EIF3H: variants seen among roughly 807,000 people sequenced by gnomAD.
EIF3H encodes the protein eukaryotic translation initiation factor 3 subunit H, also known as eIF-3-gamma.
In EIF3H, 26 loss-of-function variants were observed where a neutral mutation model predicts 44.2. The observed-to-expected ratio is 0.59, with a 90% CI of 0.43 to 0.82. The LOEUF is 0.82. Among genes scored for constraint, EIF3H ranks in the 40% least tolerant of loss-of-function variants. The pLI, the probability that EIF3H is intolerant of heterozygous loss-of-function variation, is 0.00. For missense variants in EIF3H, 359 were observed against 432.8 expected, an observed-to-expected ratio of 0.83 and a Z score of 1.51; for synonymous variants, 166 against 151.9, an observed-to-expected ratio of 1.09 and a Z score of -0.68.
At chr8:116,701,655 C>A (rs1007108036) in intron 2 of EIF3H, among the ~76,000 whole-genome samples, 1 of 152,120 alleles carries the variant, frequency 6.6e-6, no homozygotes, top group African/African-American at 2.4e-5. Flanking sequence ...TTCCCCAAAT[C>A]ATGGGGATTA....
At chr8:116,669,498 C>CT (rs1404954363) in intron 2 of EIF3H, among the ~76,000 whole-genome samples, 1 of 152,064 alleles carries the variant, frequency 6.6e-6, no homozygotes. Flanking sequence ...TGGGACAAGG[C>CT]TATCTGAAAA....
intron 1 of EIF3H, among the ~76,000 whole-genome samples, chr8:116,736,325 C>T (rs1482799046): frequency 6.6e-6 from 1 of 152,118 alleles, no homozygotes; most frequent in African/African-American, 2.4e-5. Context: ...AGCAGTTAAA[C>T]AATTGTTTAT....
At chr8:116,650,065 C>T (rs952447131) in intron 5 of EIF3H, among the ~76,000 whole-genome samples, 1 of 152,160 alleles carries the variant, frequency 6.6e-6, no homozygotes, top group African/African-American at 2.4e-5. Context: ...TACAACTCCC[C>T]AGCAATGTAG....
intron 5 of EIF3H, among the ~76,000 whole-genome samples, chr8:116,654,246 C>A (rs1429053334): frequency 6.6e-6 from 1 of 152,042 alleles, no homozygotes; most frequent in Non-Finnish European, 1.5e-5. Context: ...ATACAGAAGA[C>A]AAAAACTATA....
chr8:116,762,756 A>G (rs1445167004), intron 1 of EIF3H, among the ~76,000 whole-genome samples: 1 of 152,188 alleles, frequency 6.6e-6, no homozygotes, highest in Non-Finnish European at 1.5e-5. Flanking sequence ...CAGCCTGGCC[A>G]GCATAGTGAA....
intron 2 of EIF3H, among the ~76,000 whole-genome samples, chr8:116,714,927 A>T (rs1814637656): frequency 6.6e-6 from 1 of 152,104 alleles, no homozygotes; most frequent in Admixed American, 6.5e-5. Context: ...GTAACCACAG[A>T]CTAGGTTTCC....
chr8:116,647,597 C>T (rs1813325807), intron 6 of EIF3H, among the ~76,000 whole-genome samples: 1 of 152,208 alleles, frequency 6.6e-6, no homozygotes, highest in East Asian at 1.9e-4. Context: ...ACAGCTATGA[C>T]TGCTCCCAAC....
intron 2 of EIF3H, 59 bp from the exon 3 acceptor site, chr8:116,659,039 C>G: frequency 7.0e-7 from 1 of 1,436,560 alleles, no homozygotes; most frequent in Non-Finnish European, 9.3e-7. Flanking sequence ...TTACCAACAT[C>G]AAAAACAAGC....
intron 2 of EIF3H, among the ~76,000 whole-genome samples, chr8:116,723,774 A>T (rs1814791157): frequency 6.6e-6 from 1 of 152,216 alleles, no homozygotes; most frequent in Non-Finnish European, 1.5e-5. Flanking sequence ...AATACACTTA[A>T]CCAAAGAGGC....
chr8:116,747,614 A>C (rs1815259970), intron 1 of EIF3H, among the ~76,000 whole-genome samples: 1 of 151,948 alleles, frequency 6.6e-6, no homozygotes, highest in African/African-American at 2.4e-5. Flanking sequence ...GGGTCATATA[A>C]TTTTTTTTGT....
chr8:116,683,326 C>CA (rs1814021927), intron 2 of EIF3H, among the ~76,000 whole-genome samples: 1 of 152,176 alleles, frequency 6.6e-6, no homozygotes, highest in South Asian at 2.1e-4. Context: ...TCAAAGCTGC[C>CA]AGCCAATTAT....
intron 1 of EIF3H, among the ~76,000 whole-genome samples, chr8:116,752,673 AAAGAAAGAAAGAAAGAAAG>A (rs1815362102): frequency 2.5e-5 from 1 of 39,324 alleles, no homozygotes. Context: ...ATGAAGAAAG[AAAGAAAGAAAGAAAGAAAG>A]AAAGAAAGAA....
intron 1 of EIF3H, among the ~76,000 whole-genome samples, chr8:116,739,486 T>C (rs1030523930): frequency 3.3e-5 from 5 of 152,186 alleles, no homozygotes; most frequent in African/African-American, 2.4e-5. Context: ...CCATCTCTAC[T>C]AAACATACAA....
At chr8:116,751,402 T>C (rs1378678773) in intron 1 of EIF3H, among the ~76,000 whole-genome samples, 2 of 152,246 alleles carry the variant, frequency 1.3e-5, no homozygotes, top group Admixed American at 1.3e-4. Flanking sequence ...GCACTGGAGA[T>C]AAAACAGGTG....
chr8:116,707,201 C>T (rs1814486224), intron 2 of EIF3H, among the ~76,000 whole-genome samples: 1 of 152,086 alleles, frequency 6.6e-6, no homozygotes, highest in Admixed American at 6.6e-5. Context: ...AAGATTAATC[C>T]TCTCTCCAGA....
intron 2 of EIF3H, among the ~76,000 whole-genome samples, chr8:116,669,726 C>T (rs1288964640): frequency 1.3e-5 from 2 of 152,078 alleles, no homozygotes; most frequent in African/African-American, 2.4e-5. Flanking sequence ...TGAAGACTAT[C>T]CTTAACTGTA....
chr8:116,713,387 C>T (rs1322237827), intron 2 of EIF3H, among the ~76,000 whole-genome samples: 1 of 152,030 alleles, frequency 6.6e-6, no homozygotes, highest in East Asian at 1.9e-4. Context: ...AATCTTTTAC[C>T]TTGACCACAT....
At chr8:116,703,092 G>A (rs1319813995) in intron 2 of EIF3H, among the ~76,000 whole-genome samples, 2 of 152,172 alleles carry the variant, frequency 1.3e-5, no homozygotes, top group Non-Finnish European at 1.5e-5. Context: ...CTTAAAATAA[G>A]AATAGTTGTA....
At chr8:116,754,900 AT>A (rs2130998695) in intron 1 of EIF3H, among the ~76,000 whole-genome samples, 1 of 152,382 alleles carries the variant, frequency 6.6e-6, no homozygotes, top group East Asian at 1.9e-4. Context: ...TTAATAGGAA[AT>A]AACCTTTAAA....
Sources: allele counts gnomAD v4.1 joint callset (sites outside exome capture counted in the v4.1 genomes callset), GRCh38; gene constraint gnomAD v4.1.1; transcripts MANE v1.5; gene names NCBI Gene and HGNC (gene_info 2026-07-23, HGNC 2026-07-21).